The following SLC24A2 variants were observed in gnomAD, a reference collection of about 807,000 sequenced individuals.
SLC24A2 encodes solute carrier family 24 member 2.
SLC24A2 carries 36 observed loss-of-function variants against 62.0 expected under a neutral mutation model. The ratio of observed to expected loss-of-function variants is 0.58; its 90% CI spans 0.44 to 0.77. SLC24A2 has a LOEUF of 0.77. Ranked by LOEUF, SLC24A2 falls within the 30% of genes least tolerant of loss-of-function variation. The probability of loss-of-function intolerance (pLI) is 0.00; values close to 1 mark genes in which losing one functional copy is unlikely to be tolerated. For synonymous variants in SLC24A2, 358 were observed against 294.0 expected (o/e 1.22, Z -2.23); for missense variants, 846 against 817.9 (o/e 1.03, Z -0.42).
Position 19,668,014 on chromosome 9 carries a change from T to C in SLC24A2, c.931-45715A>G, listed in dbSNP as rs986708646. Among the ~76,000 whole-genome samples, 146 of 152,296 alleles carry C rather than the reference T, an allele frequency of 9.6e-4. 1 individual carries two copies. The highest frequency in any genetic ancestry group is 7.2e-4 in the Non-Finnish European group (49 of 68,022). ...TGTACATTTCTTACTGTATTTTTAA[T>C]GTTTTAATTCCCACATCTATCTCCT... is the stretch of plus-strand genomic sequence containing the variant. On this transcript the variant is annotated intron_variant, in intron 2 of 10. Transcript: ENST00000341998.
chr9:19,663,880 G>A (rs1163132096), intron 2 of SLC24A2, among the ~76,000 whole-genome samples: 1 of 152,248 alleles, frequency 6.6e-6, no homozygotes, highest in Admixed American at 6.5e-5. Context: ...GCACCAGGGT[G>A]CAGATCTGAA....
chr9:20,017,878 C>T, the SLC24A2 span, among the ~76,000 whole-genome samples: 1 of 152,192 alleles, frequency 6.6e-6, no homozygotes, highest in Admixed American at 6.5e-5. Context: ...TCTGCCTCTC[C>T]CAATCCACTG....
chr9:19,720,509 A>G (rs1439549989), intron 2 of SLC24A2, among the ~76,000 whole-genome samples: 1 of 152,182 alleles, frequency 6.6e-6, no homozygotes, highest in Non-Finnish European at 1.5e-5. Flanking sequence ...GAACACACGG[A>G]TTATGAGCCC....
chr9:19,906,994 G>A, the SLC24A2 span, among the ~76,000 whole-genome samples: 2 of 152,126 alleles, frequency 1.3e-5, no homozygotes, highest in African/African-American at 4.8e-5. Flanking sequence ...GCATCATCCC[G>A]ATACCAAAGC....
At chr9:20,090,797 C>T in the SLC24A2 span, among the ~76,000 whole-genome samples, 27 of 152,212 alleles carry the variant, frequency 1.8e-4, no homozygotes, top group Admixed American at 3.9e-4. Flanking sequence ...ATGGCAAGAG[C>T]GTCTGATGTC....
chr9:19,779,764 C>CAAAA (rs1298966317), intron 2 of SLC24A2, among the ~76,000 whole-genome samples: 1 of 152,118 alleles, frequency 6.6e-6, no homozygotes, highest in East Asian at 1.9e-4. Context: ...AAGCTGTTTA[C>CAAAA]AAAACATCAA....
the SLC24A2 span, among the ~76,000 whole-genome samples, chr9:19,873,491 CTCTTTCTT>C: frequency 0.028 from 3,508 of 123,654 alleles, 138 homozygotes; most frequent in African/African-American, 0.088. Flanking sequence ...TTCCTTCCTT[CTCTTTCTT>C]TCTTTCTTTT....
chr9:19,913,011 C>T, the SLC24A2 span, among the ~76,000 whole-genome samples: 5 of 152,200 alleles, frequency 3.3e-5, no homozygotes, highest in East Asian at 9.7e-4. Flanking sequence ...TGACTCAGGT[C>T]TCCTGGTTTT....
At chr9:20,026,972 T>C in the SLC24A2 span, among the ~76,000 whole-genome samples, 81,951 of 151,980 alleles carry the variant, frequency 0.54, 22,276 homozygotes, top group Middle Eastern at 0.63. Flanking sequence ...AACAACTATA[T>C]AGTAGAAAAA....
the SLC24A2 span, among the ~76,000 whole-genome samples, chr9:19,854,120 G>C: frequency 1.3e-5 from 2 of 152,152 alleles, no homozygotes; most frequent in South Asian, 4.1e-4. Context: ...ATGGTTGGTT[G>C]TATTTCTGTG....
chr9:19,844,651 G>A, the SLC24A2 span, among the ~76,000 whole-genome samples: 15 of 151,870 alleles, frequency 9.9e-5, no homozygotes, highest in East Asian at 1.9e-4. Flanking sequence ...ATATTTTGAC[G>A]TCTTACATTT....
At chr9:20,205,024 C>G in the SLC24A2 span, among the ~76,000 whole-genome samples, 1 of 152,094 alleles carries the variant, frequency 6.6e-6, no homozygotes, top group Non-Finnish European at 1.5e-5. Context: ...GGATTGCAGG[C>G]GTGAGCCACT....
chr9:19,857,065 A>G, the SLC24A2 span, among the ~76,000 whole-genome samples: 1 of 152,226 alleles, frequency 6.6e-6, no homozygotes. Context: ...TGGAAGTACA[A>G]AGTTGAAAAA....
intron 8 of SLC24A2, among the ~76,000 whole-genome samples, chr9:19,546,220 G>C (rs1440320315): frequency 6.6e-6 from 1 of 152,214 alleles, no homozygotes; most frequent in Non-Finnish European, 1.5e-5. Context: ...ATCCTTAGCA[G>C]AGCTTGAACG....
the SLC24A2 span, among the ~76,000 whole-genome samples, chr9:19,841,848 T>C: frequency 2.0e-5 from 3 of 152,156 alleles, no homozygotes; most frequent in Non-Finnish European, 4.4e-5. Flanking sequence ...TCTGTGGATA[T>C]CAGTAACACC....
intron 2 of SLC24A2, among the ~76,000 whole-genome samples, chr9:19,699,622 A>C (rs992117888): frequency 3.9e-5 from 6 of 152,206 alleles, no homozygotes; most frequent in Admixed American, 3.3e-4. Context: ...TTTTCTAAAA[A>C]TACTTTTCTA....
chr9:19,811,063 C>T, the SLC24A2 span, among the ~76,000 whole-genome samples: 1 of 152,092 alleles, frequency 6.6e-6, no homozygotes, highest in Non-Finnish European at 1.5e-5. Context: ...CCACAAAATT[C>T]ATATGTTGAA....
intron 4 of SLC24A2, among the ~76,000 whole-genome samples, chr9:19,614,749 C>T (rs764822972): frequency 6.6e-6 from 1 of 151,986 alleles, no homozygotes; most frequent in Non-Finnish European, 1.5e-5. Context: ...AGTCTATCCA[C>T]ATGGAAAGGT....
chr9:19,567,214 C>G (rs943897325), intron 7 of SLC24A2, among the ~76,000 whole-genome samples: 3 of 148,482 alleles, frequency 2.0e-5, no homozygotes, highest in Non-Finnish European at 4.5e-5. Flanking sequence ...AAACAAAAAC[C>G]AAACACTTTG....
Sources: allele counts gnomAD v4.1 joint callset (sites outside exome capture counted in the v4.1 genomes callset), GRCh38; gene constraint gnomAD v4.1.1; transcripts MANE v1.5; gene names NCBI Gene and HGNC (gene_info 2026-07-23, HGNC 2026-07-21).